GRIK1: variants seen among roughly 807,000 people sequenced by gnomAD.
The protein encoded by GRIK1 is glutamate receptor ionotropic, kainate 1.
In GRIK1, 69 loss-of-function variants were observed where a neutral mutation model predicts 105.7. The ratio of observed to expected loss-of-function variants is 0.65; its 90% CI spans 0.54 to 0.80. GRIK1 has a LOEUF of 0.80. Among genes scored for constraint, GRIK1 ranks in the 30% least tolerant of loss-of-function variants. GRIK1 has a pLI of 0.00. For missense variants in GRIK1, 1,109 were observed against 1,167.3 expected (o/e 0.95, Z 0.73); for synonymous variants, 438 against 431.3 (o/e 1.02, Z -0.19).
chr21:29,920,066 A>C (rs571205657), intron 1 of GRIK1, among the ~76,000 whole-genome samples: 178 of 152,168 alleles, frequency 1.2e-3, no homozygotes, highest in Non-Finnish European at 2.1e-3. Context: ...AGATTTAGGC[A>C]AAGAGAAATA....
At chr21:29,580,741 C>G (rs1371695332) in intron 13 of GRIK1, among the ~76,000 whole-genome samples, 1 of 151,882 alleles carries the variant, frequency 6.6e-6, no homozygotes. Context: ...ATACCATATG[C>G]CTGACATTGA....
intron 1 of GRIK1, among the ~76,000 whole-genome samples, chr21:29,793,399 C>G (rs1451869674): frequency 6.6e-6 from 1 of 152,128 alleles, no homozygotes; most frequent in East Asian, 1.9e-4. Flanking sequence ...TATGTAACAG[C>G]CCTGCTACAA....
chr21:29,615,585 AG>A (rs1370880472), intron 7 of GRIK1, among the ~76,000 whole-genome samples: 2 of 152,348 alleles, frequency 1.3e-5, no homozygotes, highest in Non-Finnish European at 2.9e-5. Context: ...CTGGGATTAC[AG>A]GCATGAGCCA....
At chr21:29,873,351 T>G (rs946426690) in intron 1 of GRIK1, among the ~76,000 whole-genome samples, 2 of 152,220 alleles carry the variant, frequency 1.3e-5, no homozygotes, top group Non-Finnish European at 2.9e-5. Flanking sequence ...ATTGGGCATT[T>G]CTGTGTTTAA....
chr21:29,838,950 GA>G (rs1050378288), intron 1 of GRIK1, among the ~76,000 whole-genome samples: 1 of 151,640 alleles, frequency 6.6e-6, no homozygotes, highest in African/African-American at 2.4e-5. Context: ...GGACAAGATG[GA>G]AAAAAAAGGA....
intron 4 of GRIK1, among the ~76,000 whole-genome samples, chr21:29,669,553 C>G (rs147456052): frequency 6.6e-5 from 10 of 152,334 alleles, no homozygotes; most frequent in Non-Finnish European, 8.8e-5. Context: ...AGTGAGCACA[C>G]AGGCTCTGAG....
At chr21:29,680,045 C>A (rs1280597219) in intron 3 of GRIK1, among the ~76,000 whole-genome samples, 2 of 152,306 alleles carry the variant, frequency 1.3e-5, no homozygotes, top group Admixed American at 1.3e-4. Flanking sequence ...TTGAGGCAAC[C>A]TGAGGTGTCC....
At chr21:29,735,808 C>T (rs1432723393) in intron 1 of GRIK1, among the ~76,000 whole-genome samples, 1 of 147,776 alleles carries the variant, frequency 6.8e-6, no homozygotes, top group Non-Finnish European at 1.5e-5. Context: ...GATCGCGCCA[C>T]TGCACTCCAG....
chr21:29,744,855 C>T (rs1476019253), intron 1 of GRIK1, among the ~76,000 whole-genome samples: 3 of 152,128 alleles, frequency 2.0e-5, no homozygotes, highest in African/African-American at 7.2e-5. Flanking sequence ...ACATCAATCC[C>T]ATGAGGTAGG....
chr21:29,889,136 C>G (rs1289887304), intron 1 of GRIK1, among the ~76,000 whole-genome samples: 2 of 152,006 alleles, frequency 1.3e-5, no homozygotes, highest in Non-Finnish European at 2.9e-5. Context: ...AAAAAGTATA[C>G]CAGACATTTT....
At chr21:29,640,708 C>A (rs1309093719) in intron 7 of GRIK1, among the ~76,000 whole-genome samples, 1 of 152,102 alleles carries the variant, frequency 6.6e-6, no homozygotes, top group African/African-American at 2.4e-5. Flanking sequence ...TGATCCCAAG[C>A]TTTCATGTCA....
At chr21:29,645,136 CAT>C (rs913286554) in intron 6 of GRIK1, among the ~76,000 whole-genome samples, 32 of 152,158 alleles carry the variant, frequency 2.1e-4, no homozygotes, top group Admixed American at 6.5e-5. Context: ...AAGCATTTTA[CAT>C]ATGTCATCTT....
chr21:29,774,256 A>C (rs1200021436), intron 1 of GRIK1, among the ~76,000 whole-genome samples: 3 of 152,190 alleles, frequency 2.0e-5, no homozygotes, highest in African/African-American at 7.2e-5. Context: ...TTCTTTCACT[A>C]ACCATATGAA....
At chr21:29,770,180 GT>G (rs1289515136) in intron 1 of GRIK1, among the ~76,000 whole-genome samples, 1 of 152,174 alleles carries the variant, frequency 6.6e-6, no homozygotes, top group Non-Finnish European at 1.5e-5. Flanking sequence ...GACAACTCGC[GT>G]TTTAAATTTA....
chr21:29,908,561 A>G (rs548075868), intron 1 of GRIK1, among the ~76,000 whole-genome samples: 20 of 152,318 alleles, frequency 1.3e-4, no homozygotes, highest in African/African-American at 4.8e-4. Context: ...ATTCTTCAAA[A>G]TAGGCCTCCA....
At chr21:29,797,434 A>G (rs562106956) in intron 1 of GRIK1, among the ~76,000 whole-genome samples, 2 of 152,298 alleles carry the variant, frequency 1.3e-5, no homozygotes, top group African/African-American at 4.8e-5. Flanking sequence ...CTAGTTGATT[A>G]TACTACAAAT....
chr21:29,918,564 C>T lies in GRIK1; in HGVS notation c.118+20819G>A, dbSNP rs78776662. On this transcript the variant is annotated intron_variant, in intron 1 of 17. Transcript: ENST00000327783. ...CTAAATTGAAAATCTTTAAATGCAA[C>T]GACCAATTCTCATCTATTTCTGGCA... 2.2e-3 allele frequency among the ~76,000 whole-genome samples: 340 copies of T among 152,126 alleles called. 4 individuals carry two copies. The East Asian group carries it at 0.037, about 17-fold the overall frequency.
intron 1 of GRIK1, among the ~76,000 whole-genome samples, chr21:29,766,893 G>A (rs1195641073): frequency 6.6e-6 from 1 of 152,198 alleles, no homozygotes; most frequent in Non-Finnish European, 1.5e-5. Context: ...CTCTCTTTAT[G>A]AAAGAAGCTC....
chr21:29,808,979 T>C (rs894646255), intron 1 of GRIK1, among the ~76,000 whole-genome samples: 1 of 152,188 alleles, frequency 6.6e-6, no homozygotes, highest in African/African-American at 2.4e-5. Flanking sequence ...ATTTAATAAT[T>C]GGCTTTTCTC....
Sources: gnomAD v4.1 joint callset for allele counts (sites outside exome capture counted in the v4.1 genomes callset) on GRCh38, gnomAD v4.1.1 for gene constraint, MANE v1.5 for transcripts, NCBI Gene and HGNC (gene_info 2026-07-23, HGNC 2026-07-21) for gene names.